The following FUT8 variants were observed in gnomAD, a reference collection of about 807,000 sequenced individuals.
The protein encoded by FUT8 is fucosyltransferase 8.
Under a neutral mutation model 71.3 loss-of-function variants are expected in FUT8, and 29 were observed. The observed-to-expected ratio is 0.41, with a 90% CI of 0.30 to 0.55. The LOEUF (loss-of-function observed/expected upper bound fraction) is 0.55. Ranked by LOEUF, FUT8 falls within the 20% of genes least tolerant of loss-of-function variation. FUT8 has a pLI of 0.34. For missense variants in FUT8, 544 were observed against 702.1 expected, an observed-to-expected ratio of 0.77 and a Z score of 2.55; for synonymous variants, 254 against 239.3, an observed-to-expected ratio of 1.06 and a Z score of -0.57.
chr14:65,724,852 A>G (rs1594940274), intron 9 of FUT8, among the ~76,000 whole-genome samples: 2 of 152,242 alleles, frequency 1.3e-5, no homozygotes, highest in South Asian at 4.2e-4. Flanking sequence ...GTCTCCACAT[A>G]TAAGGACACT....
chr14:65,596,822 A>G (rs1232258896), intron 3 of FUT8, among the ~76,000 whole-genome samples: 1 of 152,192 alleles, frequency 6.6e-6, no homozygotes, highest in African/African-American at 2.4e-5. Context: ...AGCATGGTCT[A>G]TCTAAACACT....
At chr14:65,685,596 T>C (rs1893248473) in intron 7 of FUT8, among the ~76,000 whole-genome samples, 1 of 152,226 alleles carries the variant, frequency 6.6e-6, no homozygotes, top group African/African-American at 2.4e-5. Flanking sequence ...GGCTACTCCA[T>C]ACGCAGAGCA....
intron 2 of FUT8, chr14:65,468,062 G>C: frequency 1.5e-6 from 1 of 655,330 alleles, no homozygotes; most frequent in Non-Finnish European, 2.8e-6. Context: ...CTTGTTTGTT[G>C]ACAAGTTGTT....
the FUT8 span, among the ~76,000 whole-genome samples, chr14:65,381,231 T>G: frequency 6.6e-6 from 1 of 152,246 alleles, no homozygotes; most frequent in South Asian, 2.1e-4. Context: ...GCTTTTTCTC[T>G]TTCTTAAATG....
rs1566851612 is a variant in FUT8 at position 65,611,303 on chromosome 14, C to CACA, written c.204-4675_204-4674insACA. 1.1e-3 allele frequency among the ~76,000 whole-genome samples: 46 copies of CACA among 42,568 alleles called. 11 individuals are homozygous for CACA. Among genetic ancestry groups the CACA allele is most frequent in the African/African-American group, 4.8e-3 (41 of 8,544 alleles). The allele number at this position is 42,568 out of a possible 152,430, so 27.9% of individuals were successfully genotyped here. On this transcript the variant is annotated intron_variant, in intron 3 of 10. Coordinates refer to ENST00000673929, the MANE Select transcript of FUT8 (RefSeq NM_001371533.1). ...CACACACACACACACACACACACAC[C>CACA]CCCCAAGTAATAGCCTTGATTTTGC...
chr14:65,720,687 C>T (rs537750828), intron 7 of FUT8, among the ~76,000 whole-genome samples: 1 of 152,140 alleles, frequency 6.6e-6, no homozygotes, highest in Non-Finnish European at 1.5e-5. Flanking sequence ...TAAAACTTGC[C>T]TAGAAATTAC....
At chr14:65,481,169 C>G (rs1307556257) in intron 2 of FUT8, among the ~76,000 whole-genome samples, 2 of 151,930 alleles carry the variant, frequency 1.3e-5, no homozygotes, top group Non-Finnish European at 2.9e-5. Flanking sequence ...GAAGTGGTAT[C>G]TCATTGTGGT....
chr14:65,472,317 C>T lies in FUT8; in HGVS notation c.-228+16599C>T, dbSNP rs568841172. ...GGAACAAATAGAGTGAGACCTCAAG[C>T]ATGCCTGAGGAAGAGCATTAATTTA... On this transcript the variant is annotated intron_variant, in intron 2 of 10. Transcript: ENST00000673929. This position sits in a 1 kb window ranked among gnomAD's most constrained non-coding sequence, Gnocchi z 4.4. 1.5e-4 allele frequency among the ~76,000 whole-genome samples: 23 copies of T among 152,208 alleles called. No individual in the cohort carries two copies. The highest frequency in any genetic ancestry group is 5.5e-4 in the African/African-American group (23 of 41,526).
intron 2 of FUT8, among the ~76,000 whole-genome samples, chr14:65,466,747 CA>C (rs1192565049): frequency 3.9e-4 from 56 of 142,968 alleles, no homozygotes; most frequent in Admixed American, 4.8e-4. Flanking sequence ...AAGACTGTCT[CA>C]AAAAAAAAAA....
intron 3 of FUT8, among the ~76,000 whole-genome samples, chr14:65,580,212 A>G (rs528718709): frequency 1.1e-4 from 16 of 151,496 alleles, no homozygotes; most frequent in African/African-American, 3.9e-4. Context: ...AGTGTGTACT[A>G]CATACCTAGG....
chr14:65,658,855 G>A (rs1422632625), intron 6 of FUT8, among the ~76,000 whole-genome samples: 1 of 152,102 alleles, frequency 6.6e-6, no homozygotes, highest in East Asian at 1.9e-4. Flanking sequence ...GAGTGTATAC[G>A]TATTATAAAA....
At chr14:65,697,731 G>A (rs1894067970) in intron 7 of FUT8, among the ~76,000 whole-genome samples, 1 of 152,188 alleles carries the variant, frequency 6.6e-6, no homozygotes, top group Non-Finnish European at 1.5e-5. Flanking sequence ...ATCACCTGCG[G>A]TCAGGAGTGA....
intron 7 of FUT8, among the ~76,000 whole-genome samples, chr14:65,695,461 T>C (rs1173491353): frequency 6.6e-6 from 1 of 152,188 alleles, no homozygotes; most frequent in Non-Finnish European, 1.5e-5. Flanking sequence ...TTTTAAAAAC[T>C]TTTTTATTCA....
intron 7 of FUT8, among the ~76,000 whole-genome samples, chr14:65,670,451 C>A (rs1026796919): frequency 2.0e-5 from 3 of 151,930 alleles, no homozygotes; most frequent in South Asian, 4.2e-4. Flanking sequence ...TTATGAATAG[C>A]CTTTATTCAT....
intron 7 of FUT8, among the ~76,000 whole-genome samples, chr14:65,677,148 G>GCA (rs1555383275): frequency 1.8e-5 from 2 of 114,212 alleles, no homozygotes; most frequent in Non-Finnish European, 3.7e-5. Flanking sequence ...GTGTGTGTGT[G>GCA]TGTGCGCGCG....
At chr14:65,439,987 T>TATATATATATATATATACAC (rs1358951833) in intron 1 of FUT8, among the ~76,000 whole-genome samples, 4 of 138,080 alleles carry the variant, frequency 2.9e-5, no homozygotes, top group African/African-American at 1.1e-4. Context: ...TATATATATA[T>TATATATATATATATATACAC]ATATGTACAC....
chr14:65,361,840 T>A, the FUT8 span, among the ~76,000 whole-genome samples: 24 of 146,372 alleles, frequency 1.6e-4, no homozygotes, highest in Admixed American at 8.0e-4. Context: ...ATAAATAAAT[T>A]ATAACTCCCA....
chr14:65,694,090 T>A (rs1313493118), intron 7 of FUT8, among the ~76,000 whole-genome samples: 4 of 152,238 alleles, frequency 2.6e-5, no homozygotes, highest in African/African-American at 9.6e-5. Flanking sequence ...TCTTTCTCAG[T>A]TAGCCTCACT....
At chr14:65,622,494 T>G (rs1889667741) in intron 5 of FUT8, among the ~76,000 whole-genome samples, 1 of 152,204 alleles carries the variant, frequency 6.6e-6, no homozygotes, top group Non-Finnish European at 1.5e-5. Context: ...GGAAACTAAA[T>G]GTAAGCCTAG....
Sources: allele counts gnomAD v4.1 joint callset (sites outside exome capture counted in the v4.1 genomes callset), GRCh38; gene constraint gnomAD v4.1.1; non-coding constraint Gnocchi (gnomAD v3.1); transcripts MANE v1.5; gene names NCBI Gene and HGNC (gene_info 2026-07-23, HGNC 2026-07-21).